The following HAPLN1 variants were observed in gnomAD, a reference collection of about 807,000 sequenced individuals.
HAPLN1 encodes the protein hyaluronan and proteoglycan link protein 1, also known as Cartilage link protein.
Under a neutral mutation model 36.5 loss-of-function variants are expected in HAPLN1, and 13 were observed. That is an observed-to-expected ratio of 0.36 (90% CI 0.23 to 0.57). The LOEUF (loss-of-function observed/expected upper bound fraction) is 0.57, where lower values mean the gene tolerates loss of function less well. Among genes scored for constraint, HAPLN1 ranks in the 20% least tolerant of loss-of-function variants. The pLI is 0.83. For synonymous variants in HAPLN1, 202 were observed against 169.8 expected (o/e 1.19, Z -1.48); for missense variants, 407 against 439.7 (o/e 0.93, Z 0.66).
chr5:83,696,380 T>C (rs560352273), intron 1 of HAPLN1, among the ~76,000 whole-genome samples: 56 of 152,228 alleles, frequency 3.7e-4, no homozygotes, highest in African/African-American at 1.3e-3. Context: ...AGCCCACATT[T>C]GGTAGAAAGG....
At chr5:83,695,073 G>A (rs1004467193) in intron 1 of HAPLN1, among the ~76,000 whole-genome samples, 1 of 151,856 alleles carries the variant, frequency 6.6e-6, no homozygotes, top group African/African-American at 2.4e-5. Flanking sequence ...TACAAAATGG[G>A]GTTTATCCCA....
intron 3 of HAPLN1, among the ~76,000 whole-genome samples, chr5:83,651,437 G>A (rs773025355): frequency 6.6e-6 from 1 of 152,130 alleles, no homozygotes. Flanking sequence ...AGCAAAAGTG[G>A]CATGTACTCA....
chr5:83,656,327 C>CAAAAA (rs35902132), intron 2 of HAPLN1, among the ~76,000 whole-genome samples: 102 of 59,694 alleles, frequency 1.7e-3, no homozygotes, highest in Non-Finnish European at 1.9e-3. Context: ...GACTACGTCT[C>CAAAAA]AAAAAAAAAA....
rs1038610542 is a variant in HAPLN1, at chr5:83,652,471, C to T, written c.454G>A (p.Val152Ile). Residue 152 changes from valine (V) to isoleucine (I), a missense_variant, in exon 3 of 5, where the codon GTA becomes ATA. Val to Ile is a conservative substitution (Grantham distance 29). Coordinates refer to ENST00000274341, the MANE Select transcript of HAPLN1 (RefSeq NM_001884.4). The part of the protein sequence containing the change: ...IEGLEDDTVV[V>I]ALDLQGVVFP... ...TACATACCTTGTAAGTCCAGTGCTA[C>T]CACAACAGTATCATCTTCTAATCCT... is the stretch of plus-strand genomic sequence containing the variant. 1 of 1,613,604 alleles carries T rather than the reference C, an allele frequency of 6.2e-7. No homozygotes were observed.
intron 2 of HAPLN1, among the ~76,000 whole-genome samples, chr5:83,670,173 A>C (rs1327359758): frequency 6.6e-6 from 1 of 152,208 alleles, no homozygotes; most frequent in Non-Finnish European, 1.5e-5. Context: ...GGCTACACAA[A>C]AGTTTTTGGA....
chr5:83,715,498 C>T lies in HAPLN1; in HGVS notation c.-27+5291G>A, dbSNP rs141151000. On this transcript the variant is annotated intron_variant, in intron 1 of 4. Coordinates refer to ENST00000274341, the MANE Select transcript of HAPLN1 (RefSeq NM_001884.4). The stretch of plus-strand genomic sequence containing the variant: ...ATTCATGATGCGTATCCATCTGTCT[C>T]CTCCACTGGTTTGTGAACTCCTTGA... Among the ~76,000 whole-genome samples, 9 of 152,304 alleles carry T rather than the reference C, an allele frequency of 5.9e-5. No individual in the cohort carries two copies. The East Asian group carries it at 1.7e-3, about 29-fold the overall frequency.
At chr5:83,652,432 A>C in intron 3 of HAPLN1, 21 bp downstream of exon 3, 1 of 1,594,090 alleles carries the variant, frequency 6.3e-7, no homozygotes, top group Non-Finnish European at 8.6e-7. Context: ...TATACGTTGA[A>C]CATGACTTAT....
At chr5:83,681,206 T>C (rs1750990234) in intron 1 of HAPLN1, among the ~76,000 whole-genome samples, 1 of 152,146 alleles carries the variant, frequency 6.6e-6, no homozygotes, top group Non-Finnish European at 1.5e-5. Flanking sequence ...GAATTTTGAA[T>C]CTTGACAAGG....
At chr5:83,706,890 A>C (rs958112604) in intron 1 of HAPLN1, among the ~76,000 whole-genome samples, 1 of 152,210 alleles carries the variant, frequency 6.6e-6, no homozygotes, top group African/African-American at 2.4e-5. Context: ...TTCAGGATGC[A>C]AAGTAAACAT....
intron 3 of HAPLN1, among the ~76,000 whole-genome samples, chr5:83,644,978 A>G (rs1749813451): frequency 6.6e-6 from 1 of 152,204 alleles, no homozygotes; most frequent in South Asian, 2.1e-4. Context: ...AGCCCTCCCC[A>G]GGAACTTACC....
At chr5:83,689,865 T>C (rs955649903) in intron 1 of HAPLN1, among the ~76,000 whole-genome samples, 1 of 152,112 alleles carries the variant, frequency 6.6e-6, no homozygotes, top group African/African-American at 2.4e-5. Context: ...ACTTAAAATT[T>C]TTTCATTGGA....
At chr5:83,666,757 CTTATT>C (rs902262263) in intron 2 of HAPLN1, among the ~76,000 whole-genome samples, 1 of 151,986 alleles carries the variant, frequency 6.6e-6, no homozygotes, top group African/African-American at 2.4e-5. Flanking sequence ...TTATTTAACA[CTTATT>C]TTATTTTTTC....
At chr5:83,708,101 T>C (rs769660860) in intron 1 of HAPLN1, among the ~76,000 whole-genome samples, 5 of 152,240 alleles carry the variant, frequency 3.3e-5, no homozygotes, top group Non-Finnish European at 7.3e-5. Context: ...CGAACACTTA[T>C]ACATTGTTGG....
chr5:83,646,587 G>T (rs535770240), intron 3 of HAPLN1, among the ~76,000 whole-genome samples: 52 of 152,326 alleles, frequency 3.4e-4, no homozygotes, highest in African/African-American at 1.2e-3. Context: ...ACCCAAGAAG[G>T]CTTCCTGATC....
At chr5:83,698,056 C>G (rs1692683902) in intron 1 of HAPLN1, among the ~76,000 whole-genome samples, 2 of 152,032 alleles carry the variant, frequency 1.3e-5, no homozygotes, top group South Asian at 4.2e-4. Context: ...GGTTGCGTGG[C>G]TTTTGGTATC....
chr5:83,696,260 C>A (rs1459437883), intron 1 of HAPLN1, among the ~76,000 whole-genome samples: 1 of 152,034 alleles, frequency 6.6e-6, no homozygotes, highest in Non-Finnish European at 1.5e-5. Context: ...TTAAATGAGA[C>A]ATAAATAAAT....
intron 1 of HAPLN1, among the ~76,000 whole-genome samples, chr5:83,715,637 C>T (rs1281815797): frequency 6.6e-6 from 1 of 152,156 alleles, no homozygotes; most frequent in Non-Finnish European, 1.5e-5. Flanking sequence ...CAATTCTGTG[C>T]AAATGCATTT....
intron 1 of HAPLN1, among the ~76,000 whole-genome samples, chr5:83,697,582 T>G (rs1751421415): frequency 6.6e-6 from 1 of 152,196 alleles, no homozygotes. Flanking sequence ...GGTAACTATA[T>G]GTTGAGCTCT....
rs1006100947 is a variant in HAPLN1 at position 83,708,809 on chromosome 5, G to A, written c.-27+11980C>T. On this transcript the variant is annotated intron_variant, in intron 1 of 4. Transcript: ENST00000274341. Reference sequence around the variant, plus strand: ...AAAATATTTACACTTTGAAACAGCAGGAGGAGTATGAAAACATTTCTATAA... The same window carrying A: ...AAAATATTTACACTTTGAAACAGCAAGAGGAGTATGAAAACATTTCTATAA... Among the ~76,000 whole-genome samples the A allele has an allele frequency of 2.1e-5, 3 of 143,850 alleles. No homozygotes were observed. The South Asian group carries it at 7.7e-4, about 37-fold the overall frequency. 94.4% of individuals were successfully genotyped at this position (143,850 alleles called of 152,430 possible).
Sources: gnomAD v4.1 joint callset for allele counts (sites outside exome capture counted in the v4.1 genomes callset) on GRCh38, gnomAD v4.1.1 for gene constraint, MANE v1.5 for transcripts, NCBI Gene and HGNC (gene_info 2026-07-23, HGNC 2026-07-21) for gene names.